Variants in ZNF181 observed in about 807,000 individuals in gnomAD.
ZNF181 encodes the protein zinc finger protein 181, also known as zinc finger protein 181 (HHZ181).
In ZNF181, 8 loss-of-function variants were observed where a neutral mutation model predicts 11.9. The observed-to-expected ratio is 0.67, with a 90% CI of 0.39 to 1.21. The LOEUF (loss-of-function observed/expected upper bound fraction) is 1.21, where lower values mean the gene tolerates loss of function less well. Among genes scored for constraint, ZNF181 ranks in the 50% most tolerant of loss-of-function variants. The pLI, the probability that ZNF181 is intolerant of heterozygous loss-of-function variation, is 0.01. For synonymous variants in ZNF181, 202 were observed against 221.1 expected (o/e 0.91, Z 0.77); for missense variants, 542 against 670.9 (o/e 0.81, Z 2.12).
At chr19:34,738,431 C>T (rs1004020490) in intron 1 of ZNF181, among the ~76,000 whole-genome samples, 8 of 152,248 alleles carry the variant, frequency 5.3e-5, no homozygotes, top group African/African-American at 1.7e-4. Flanking sequence ...CCTAAGGTCT[C>T]ACCTCTCAAA....
Position 34,744,230 on chromosome 19 carries a change from GCAAGAGA to G in ZNF181, c.*2136_*2142del, listed in dbSNP as rs2069015117. ...CAGAGGCATATTCCAATAGCAATTTGCAAGAGACAGTAGGTTTGGAATGGGGTGGTAA... is the reference window on the plus strand; with the variant it reads ...CAGAGGCATATTCCAATAGCAATTTGCAGTAGGTTTGGAATGGGGTGGTAA... On this transcript the variant is annotated 3_prime_UTR_variant, in exon 4 of 4. Coordinates refer to ENST00000492450, the MANE Select transcript of ZNF181 (RefSeq NM_001029997.4). The G allele has an allele frequency of 6.6e-6, 1 of 152,168 alleles. No individual in the cohort carries two copies. Among genetic ancestry groups the G allele is most frequent in the Non-Finnish European group, 1.5e-5 (1 of 68,016 alleles). 9.4% of individuals were successfully genotyped at this position (152,168 alleles called of 1,614,324 possible).
intron 1 of ZNF181, among the ~76,000 whole-genome samples, chr19:34,735,579 C>A (rs775179991): frequency 1.3e-5 from 2 of 152,194 alleles, no homozygotes; most frequent in African/African-American, 2.4e-5. Context: ...TGCCCTTAAC[C>A]CTCATCAGTC....
intron 1 of ZNF181, among the ~76,000 whole-genome samples, chr19:34,738,287 T>C (rs1173159314): frequency 1.3e-5 from 2 of 152,054 alleles, no homozygotes; most frequent in Non-Finnish European, 2.9e-5. Flanking sequence ...CTGTGTCCTT[T>C]TATGGTGGAA....
Position 34,739,587 on chromosome 19 carries a change from G to A in ZNF181, c.195G>A (p.Met65Ile), listed in dbSNP as rs752410904. 1.9e-6 allele frequency: 3 copies of A among 1,613,998 alleles called. No homozygotes were observed. The highest frequency in any genetic ancestry group is 1.3e-5 in the African/African-American group (1 of 74,916). Residue 65 changes from methionine (M) to isoleucine (I), a missense_variant, in exon 3 of 4, where the codon ATG becomes ATA. Met to Ile is a conservative substitution (Grantham distance 10, BLOSUM62 1). Transcript: ENST00000492450. ...TLLEDGKEPW[M>I]MEKKLSKGMI... ...TGGAGGATGGAAAAGAGCCCTGGAT[G>A]ATGGAGAAAAAACTGTCAAAAGGTA...
intron 1 of ZNF181, among the ~76,000 whole-genome samples, chr19:34,736,855 G>C (rs1374341389): frequency 6.6e-6 from 1 of 152,196 alleles, no homozygotes; most frequent in Non-Finnish European, 1.5e-5. Flanking sequence ...AGAGATGAGT[G>C]AACACCCCAG....
chr19:34,738,468 T>A (rs2068918363), intron 1 of ZNF181, among the ~76,000 whole-genome samples: 1 of 152,204 alleles, frequency 6.6e-6, no homozygotes, highest in African/African-American at 2.4e-5. Context: ...TTAAGTTCAA[T>A]ACACGCGTTT....
rs1050910613 is a variant in ZNF181 at position 34,745,086 on chromosome 19, G to A, written c.*2989G>A. On this transcript the variant is annotated 3_prime_UTR_variant, in exon 4 of 4. Coordinates refer to ENST00000492450, the MANE Select transcript of ZNF181 (RefSeq NM_001029997.4). ...TTACTTTGTTATGATAGAAGGTTGGGCTGATGTCATAATGATGTTATGATG... is the reference window on the plus strand; with the variant it reads ...TTACTTTGTTATGATAGAAGGTTGGACTGATGTCATAATGATGTTATGATG... The A allele has an allele frequency of 1.3e-5, 2 of 152,152 alleles. No homozygotes were observed. The highest frequency in any genetic ancestry group is 2.9e-5 in the Non-Finnish European group (2 of 68,026). The allele number at this position is 152,152 out of a possible 1,614,324, so 9.4% of individuals were successfully genotyped here.
chr19:34,738,958 C>T lies in ZNF181; in HGVS notation c.10-190C>T, dbSNP rs565853050. Among the ~76,000 whole-genome samples, 156 of 152,270 alleles carry T rather than the reference C, an allele frequency of 1.0e-3. 2 individuals are homozygous for T. The highest frequency in any genetic ancestry group is 3.5e-3 in the African/African-American group (145 of 41,556). ...ATAATAATTCTAAGCACATAACTGT[C>T]CCCCTTATTGTATAGTAATTCCAAC... is the stretch of plus-strand genomic sequence containing the variant. On this transcript the variant is annotated intron_variant, in intron 1 of 3. Transcript: ENST00000492450.
chr19:34,740,829 A>T lies in ZNF181; in HGVS notation c.448A>T (p.Thr150Ser). The change falls in exon 4 of 4, where the codon ACT becomes TCT. Residue 150 changes from threonine (T) to serine (S), a missense_variant. Thr to Ser is a moderately conservative substitution (Grantham distance 58). Transcript: ENST00000492450. The part of the protein sequence containing the change: ...PAILTSRESP[T>S]ADSVYKYNIF... ...AATTCTCACCTCTAGAGAAAGCCCC[A>T]CTGCAGACAGTGTTTACAAATACAA... The T allele has an allele frequency of 6.2e-7, 1 of 1,614,118 alleles. No individual in the cohort carries two copies. The highest frequency in any genetic ancestry group is 8.5e-7 in the Non-Finnish European group (1 of 1,179,992).
Position 34,744,020 on chromosome 19 carries a change from G to C in ZNF181, c.*1923G>C, listed in dbSNP as rs942174081. On this transcript the variant is annotated 3_prime_UTR_variant, in exon 4 of 4. Coordinates refer to ENST00000492450, the MANE Select transcript of ZNF181 (RefSeq NM_001029997.4). ...GACACTGATGCAAGTGAAGGGGTGT[G>C]ATATGGATTATGCTTCAGATTTTGT... 4 of 152,216 alleles carry C rather than the reference G, an allele frequency of 2.6e-5. No homozygotes were observed. The highest frequency in any genetic ancestry group is 9.6e-5 in the African/African-American group (4 of 41,454). 9.4% of individuals were successfully genotyped at this position (152,216 alleles called of 1,614,324 possible).
At chr19:34,740,473 A>C (rs1297508507) in intron 3 of ZNF181, 138 bp from the exon 4 acceptor site, 22 of 857,216 alleles carry the variant, frequency 2.6e-5, no homozygotes, top group Non-Finnish European at 3.6e-5. Flanking sequence ...GAAATCATTG[A>C]AATATTTCAG....
At chr19:34,739,772 G>C (rs1182037129) in intron 3 of ZNF181, 151 bp downstream of exon 3, 1 of 788,684 alleles carries the variant, frequency 1.3e-6, no homozygotes, top group Non-Finnish European at 2.0e-6. Context: ...ATTTAGCTTA[G>C]ATTTTCAAAA....
At chr19:34,735,094 G>C in intron 1 of ZNF181, 48 bp downstream of exon 1, 1 of 1,554,626 alleles carries the variant, frequency 6.4e-7, no homozygotes, top group South Asian at 1.2e-5. Context: ...TATCAGGACT[G>C]TGTGTTTGCT....
rs968615563 is a variant in ZNF181, at chr19:34,742,251, A to T, written c.*154A>T. 2 of 661,652 alleles carry T rather than the reference A, an allele frequency of 3.0e-6. No individual in the cohort carries two copies. Among genetic ancestry groups the T allele is most frequent in the African/African-American group, 3.6e-5 (2 of 55,532 alleles). 41.0% of individuals were successfully genotyped at this position (661,652 alleles called of 1,614,324 possible). A position where few individuals can be genotyped will look rare whatever the true frequency, so the allele number is the denominator to read the frequency against. ...TTTATTAGACTTTATACTGTAGAGA[A>T]ATCATATGAAGACCATAAATGTGGG... On this transcript the variant is annotated 3_prime_UTR_variant, in exon 4 of 4. Transcript: ENST00000492450.
In ZNF181 at chr19:34,740,783, G is replaced by A. The variant is rs201058848; in HGVS notation, c.402G>A (p.Gln134=). 202 of 1,613,900 alleles carry A rather than the reference G, an allele frequency of 1.3e-4. No individual in the cohort carries two copies. The highest frequency in any genetic ancestry group is 1.7e-4 in the Non-Finnish European group (198 of 1,179,976). Residue 134 remains glutamine, a synonymous_variant, in exon 4 of 4, where the codon CAG becomes CAA. Coordinates refer to ENST00000492450, the MANE Select transcript of ZNF181 (RefSeq NM_001029997.4). ...AGTTGGAAGGGAAGCATGGAAGTCA[G>A]GTAGACCATTTCAGACCAGCAATTC... ...IEKLEGKHGS[Q]VDHFRPAILT...
Position 34,740,928 on chromosome 19 carries a change from C to T in ZNF181, c.547C>T (p.His183Tyr), listed in dbSNP as rs760278821. ...AAAAATTTCTGCTGAAGGGAATTCA[C>T]ACAAATATGATATATTAAAGAAGAA... ...PQKISAEGNSHKYDILKKNLP... is the reference protein window; with the variant it reads ...PQKISAEGNSYKYDILKKNLP... The change falls in exon 4 of 4, where the codon CAC becomes TAC. Residue 183 changes from histidine to tyrosine, a missense_variant. Transcript: ENST00000492450. 1.9e-6 allele frequency: 3 copies of T among 1,613,806 alleles called. No individual in the cohort carries two copies. Among genetic ancestry groups the T allele is most frequent in the South Asian group, 1.1e-5 (1 of 91,050 alleles).
chr19:34,736,291 C>A, intron 1 of ZNF181: 2 of 647,794 alleles, frequency 3.1e-6, no homozygotes, highest in Non-Finnish European at 2.8e-6. Flanking sequence ...TGTGGTGGTA[C>A]ATGCCTGTTT....
At chr19:34,740,239 A>G (rs2068949283) in intron 3 of ZNF181, among the ~76,000 whole-genome samples, 2 of 152,240 alleles carry the variant, frequency 1.3e-5, no homozygotes, top group Non-Finnish European at 2.9e-5. Context: ...GATTAATTGA[A>G]TGTTGGAGAA....
intron 1 of ZNF181, among the ~76,000 whole-genome samples, chr19:34,738,268 G>T (rs1391464219): frequency 6.6e-6 from 1 of 152,156 alleles, no homozygotes; most frequent in Non-Finnish European, 1.5e-5. Context: ...TCCAGCAAGG[G>T]CCTTCTTGCT....
Sources: gnomAD v4.1 joint callset for allele counts (sites outside exome capture counted in the v4.1 genomes callset) on GRCh38, gnomAD v4.1.1 for gene constraint, MANE v1.5 for transcripts, NCBI Gene and HGNC (gene_info 2026-07-23, HGNC 2026-07-21) for gene names.